Variants in ADK observed in about 807,000 individuals in gnomAD.
The protein encoded by ADK is N6,N6-dimethyladenosine kinase.
ADK carries 24 observed loss-of-function variants against 44.7 expected under a neutral mutation model. The ratio of observed to expected loss-of-function variants is 0.54; its 90% CI spans 0.39 to 0.76. The LOEUF (loss-of-function observed/expected upper bound fraction) is 0.76, where lower values mean the gene tolerates loss of function less well. Ranked by LOEUF, ADK falls within the 30% of genes least tolerant of loss-of-function variation. The pLI is 0.00. For missense variants in ADK, 321 were observed against 425.1 expected (o/e 0.76, Z 2.15); for synonymous variants, 128 against 142.6 (o/e 0.90, Z 0.73).
rs189970902 is a variant in ADK, at chr10:74,186,050, T to C, written c.66-14714T>C. ...TTTTTGTAGAGATGGAGTTTCACCA[T>C]GTCGGCCAGGCTGCTCTGGAACTCC... On this transcript the variant is annotated intron_variant, in intron 1 of 10. Transcript: ENST00000539909. 3.1e-4 allele frequency among the ~76,000 whole-genome samples: 47 copies of C among 151,984 alleles called. 1 individual carries two copies. Among genetic ancestry groups the C allele is most frequent in the Middle Eastern group, 6.8e-3 (2 of 294 alleles).
At position 74,613,708 on chromosome 10, in the gene ADK, A is replaced by G. The variant is rs142473467; in HGVS notation, c.877+13215A>G. Reference sequence around the variant, plus strand: ...TAAGAAAAGGTCAGTGTGATTTGCAATTCTGGTAGACGTAAAGTTCAGAAA... The same window carrying G: ...TAAGAAAAGGTCAGTGTGATTTGCAGTTCTGGTAGACGTAAAGTTCAGAAA... On this transcript the variant is annotated intron_variant, in intron 9 of 10. Coordinates refer to ENST00000539909, the MANE Select transcript of ADK (RefSeq NM_006721.4). 5.8e-4 allele frequency among the ~76,000 whole-genome samples: 89 copies of G among 152,270 alleles called. 3 individuals carry two copies. Among genetic ancestry groups the G allele is most frequent in the African/African-American group, 1.8e-3 (74 of 41,578 alleles).
chr10:74,302,896 C>T (rs915122652), intron 3 of ADK, among the ~76,000 whole-genome samples: 6 of 151,928 alleles, frequency 3.9e-5, no homozygotes, highest in South Asian at 2.1e-4. Context: ...AATTCATAAG[C>T]ATGGCAGGCA....
chr10:74,228,443 A>C (rs1257464824), intron 3 of ADK, among the ~76,000 whole-genome samples: 1 of 152,098 alleles, frequency 6.6e-6, no homozygotes, highest in Non-Finnish European at 1.5e-5. Flanking sequence ...TTTCAGTTTT[A>C]GTTTTGTAAA....
In ADK at chr10:74,356,042, C is replaced by T. The variant is rs915960770; in HGVS notation, c.274-38099C>T. ...TTTTTTTTTTTTTGAGACGGAGTCTCGCTCTGTCGCCCAGGCCGGACTGCG... is the reference window on the plus strand; with the variant it reads ...TTTTTTTTTTTTTGAGACGGAGTCTTGCTCTGTCGCCCAGGCCGGACTGCG... On this transcript the variant is annotated intron_variant, in intron 4 of 10. Transcript: ENST00000539909. Among the ~76,000 whole-genome samples, 126 of 109,698 alleles carry T rather than the reference C, an allele frequency of 1.1e-3. 1 individual carries two copies. The highest frequency in any genetic ancestry group is 4.1e-3 in the African/African-American group (119 of 28,876). The allele number at this position is 109,698 out of a possible 152,430, so 72.0% of individuals were successfully genotyped here.
At chr10:74,272,062 GTGAC>G (rs1846452370) in intron 3 of ADK, among the ~76,000 whole-genome samples, 1 of 151,470 alleles carries the variant, frequency 6.6e-6, no homozygotes, top group Non-Finnish European at 1.5e-5. Flanking sequence ...TGTCTTTAAT[GTGAC>G]TGAGTCAAAA....
intron 3 of ADK, among the ~76,000 whole-genome samples, chr10:74,239,590 C>G (rs1284770993): frequency 6.6e-6 from 1 of 151,688 alleles, no homozygotes; most frequent in Non-Finnish European, 1.5e-5. Flanking sequence ...GTGTGTACCT[C>G]TGGTACTAGC....
chr10:74,450,992 A>T (rs1845752376), intron 6 of ADK, among the ~76,000 whole-genome samples: 1 of 151,638 alleles, frequency 6.6e-6, no homozygotes, highest in Admixed American at 6.6e-5. Context: ...AAAATGCCCA[A>T]GGAAAAACAA....
At chr10:74,245,291 A>G (rs1330719574) in intron 3 of ADK, among the ~76,000 whole-genome samples, 3 of 152,136 alleles carry the variant, frequency 2.0e-5, no homozygotes. Flanking sequence ...ATATTTTACT[A>G]ATTATATTAA....
intron 3 of ADK, among the ~76,000 whole-genome samples, chr10:74,288,003 A>G (rs1439411249): frequency 1.3e-5 from 2 of 148,500 alleles, no homozygotes; most frequent in Non-Finnish European, 3.0e-5. Flanking sequence ...AAAAAAAAAG[A>G]GAAAAAAAAA....
intron 5 of ADK, among the ~76,000 whole-genome samples, chr10:74,397,957 A>C (rs1292977173): frequency 6.6e-6 from 1 of 152,232 alleles, no homozygotes; most frequent in African/African-American, 2.4e-5. Flanking sequence ...CTTAGAATGT[A>C]ATGGTTTACA....
intron 4 of ADK, among the ~76,000 whole-genome samples, 187 bp from the exon 5 acceptor site, chr10:74,393,954 T>C (rs1408193008): frequency 6.6e-6 from 1 of 152,216 alleles, no homozygotes; most frequent in Non-Finnish European, 1.5e-5. Context: ...CAAAGCAGTA[T>C]AAGATATTAC....
intron 7 of ADK, among the ~76,000 whole-genome samples, chr10:74,557,150 G>C (rs1226635451): frequency 6.6e-6 from 1 of 152,094 alleles, no homozygotes; most frequent in African/African-American, 2.4e-5. Context: ...TTTATATATA[G>C]TAGAGGAAAC....
intron 7 of ADK, among the ~76,000 whole-genome samples, chr10:74,554,398 T>TAC (rs888180383): frequency 4.6e-5 from 7 of 152,158 alleles, no homozygotes; most frequent in African/African-American, 1.7e-4. Flanking sequence ...AGTAGGTGTA[T>TAC]ACATATGTAT....
intron 2 of ADK, among the ~76,000 whole-genome samples, 174 bp downstream of exon 2, chr10:74,201,012 T>C (rs1209176795): frequency 1.3e-5 from 2 of 152,196 alleles, no homozygotes; most frequent in African/African-American, 4.8e-5. Context: ...CTGAGTACAG[T>C]TTTCCTTGGG....
intron 1 of ADK, among the ~76,000 whole-genome samples, chr10:74,184,607 C>T (rs1182322956): frequency 6.6e-6 from 1 of 151,658 alleles, no homozygotes; most frequent in East Asian, 1.9e-4. Flanking sequence ...ACCTCCTGGC[C>T]TCAAACTCTT....
At chr10:74,409,626 T>TA (rs1249907329) in intron 6 of ADK, among the ~76,000 whole-genome samples, 5 of 152,194 alleles carry the variant, frequency 3.3e-5, no homozygotes, top group African/African-American at 1.2e-4. Flanking sequence ...CTTGACCACT[T>TA]ATATCTGTTT....
At chr10:74,186,071 A>G (rs895340137) in intron 1 of ADK, among the ~76,000 whole-genome samples, 7 of 151,156 alleles carry the variant, frequency 4.6e-5, no homozygotes, top group Non-Finnish European at 1.0e-4. Flanking sequence ...CTGCTCTGGA[A>G]CTCCTGACCT....
chr10:74,274,743 TATATACACAC>T (rs972402997), intron 3 of ADK, among the ~76,000 whole-genome samples: 2 of 127,440 alleles, frequency 1.6e-5, no homozygotes, highest in African/African-American at 5.7e-5. Context: ...TATATATATA[TATATACACAC>T]ACACATTATA....
intron 5 of ADK, among the ~76,000 whole-genome samples, chr10:74,397,594 G>C (rs1255561912): frequency 6.6e-6 from 1 of 152,064 alleles, no homozygotes; most frequent in Non-Finnish European, 1.5e-5. Context: ...CTGGAGTGCA[G>C]TGGCATGATC....
Sources: allele counts gnomAD v4.1 joint callset (sites outside exome capture counted in the v4.1 genomes callset), GRCh38; gene constraint gnomAD v4.1.1; transcripts MANE v1.5; gene names NCBI Gene and HGNC (gene_info 2026-07-23, HGNC 2026-07-21).